LPXN: variants seen among roughly 807,000 people sequenced by gnomAD.
LPXN encodes leupaxin.
LPXN carries 28 observed loss-of-function variants against 45.6 expected under a neutral mutation model. That is an observed-to-expected ratio of 0.61 (90% CI 0.45 to 0.84). The LOEUF (loss-of-function observed/expected upper bound fraction) is 0.84, where lower values mean the gene tolerates loss of function less well. Ranked by LOEUF, LPXN falls within the 40% of genes least tolerant of loss-of-function variation. The pLI is 0.00. For missense variants in LPXN, 459 were observed against 475.0 expected (o/e 0.97, Z 0.31); for synonymous variants, 166 against 169.9 (o/e 0.98, Z 0.18).
chr11:58,530,042 A>C (rs1297372545), intron 7 of LPXN, among the ~76,000 whole-genome samples: 1 of 152,252 alleles, frequency 6.6e-6, no homozygotes, highest in East Asian at 1.9e-4. Flanking sequence ...CACAAACCGC[A>C]GACCTGGAGA....
At chr11:58,549,200 C>A (rs1853963914) in intron 7 of LPXN, among the ~76,000 whole-genome samples, 1 of 152,196 alleles carries the variant, frequency 6.6e-6, no homozygotes, top group South Asian at 2.1e-4. Context: ...TCAAGACCAG[C>A]CTGGCCAATA....
chr11:58,542,764 C>T (rs1490954269), intron 7 of LPXN, among the ~76,000 whole-genome samples: 1 of 151,848 alleles, frequency 6.6e-6, no homozygotes, highest in Non-Finnish European at 1.5e-5. Context: ...TGGAGAAATG[C>T]TTAAGTATAA....
chr11:58,575,810 G>A lies in LPXN; in HGVS notation c.-38C>T. On this transcript the variant is annotated 5_prime_UTR_variant, in exon 1 of 9. Coordinates refer to ENST00000395074, the MANE Select transcript of LPXN (RefSeq NM_004811.3). ...AAGATGCTCTTGTCTCACAGGCCGT[G>A]AGGAACAGCTTTGGCATGTGCTGAA... is the stretch of plus-strand genomic sequence containing the variant. 1 of 1,614,210 alleles carries A rather than the reference G, an allele frequency of 6.2e-7. No homozygotes were observed. Among genetic ancestry groups the A allele is most frequent in the Non-Finnish European group, 8.5e-7 (1 of 1,180,030 alleles).
Position 58,549,776 on chromosome 11 carries a change from C to A in LPXN, c.742+10G>T. 6.2e-7 allele frequency: 1 copy of A among 1,613,582 alleles called. No homozygotes were observed. The highest frequency in any genetic ancestry group is 1.1e-5 in the South Asian group (1 of 91,020). ...GGGTGTGGGATACAGCCTCTCAAGT[C>A]GGGTCATACCTTCTGCACCAAACAC... On this transcript the variant is annotated intron_variant, in intron 7 of 8. Coordinates refer to ENST00000395074, the MANE Select transcript of LPXN (RefSeq NM_004811.3).
chr11:58,534,154 C>T (rs1853478983), intron 7 of LPXN, among the ~76,000 whole-genome samples: 1 of 152,188 alleles, frequency 6.6e-6, no homozygotes, highest in South Asian at 2.1e-4. Flanking sequence ...GACTTGAACT[C>T]AGCTCTTGGC....
chr11:58,557,147 G>A (rs1050513505), intron 3 of LPXN, among the ~76,000 whole-genome samples: 2 of 152,092 alleles, frequency 1.3e-5, no homozygotes, highest in Non-Finnish European at 2.9e-5. Context: ...GTTTCTAAAG[G>A]AATTAAAAAT....
intron 7 of LPXN, among the ~76,000 whole-genome samples, chr11:58,545,287 A>G (rs1166223178): frequency 6.6e-6 from 1 of 152,148 alleles, no homozygotes; most frequent in African/African-American, 2.4e-5. Flanking sequence ...TGGTCATCCT[A>G]TGGATTGGGT....
intron 7 of LPXN, among the ~76,000 whole-genome samples, 162 bp from the exon 8 acceptor site, chr11:58,528,353 G>T (rs966519353): frequency 7.9e-5 from 12 of 152,226 alleles, no homozygotes; most frequent in Non-Finnish European, 1.6e-4. Context: ...ATGAGATAAT[G>T]CAGAGGAAGT....
chr11:58,540,166 T>C (rs908447265), intron 7 of LPXN, among the ~76,000 whole-genome samples: 8 of 151,672 alleles, frequency 5.3e-5, no homozygotes, highest in African/African-American at 1.9e-4. Context: ...GGGGCAGGAG[T>C]AAAGCAAAAA....
chr11:58,540,990 A>G (rs1853701318), intron 7 of LPXN, among the ~76,000 whole-genome samples: 1 of 152,212 alleles, frequency 6.6e-6, no homozygotes, highest in Non-Finnish European at 1.5e-5. Flanking sequence ...AGTCATATGT[A>G]AAAAGCTGAA....
rs142205666 is a variant in LPXN, at chr11:58,556,261, A to G, written c.219-1321T>C. On this transcript the variant is annotated intron_variant, in intron 3 of 8. Coordinates refer to ENST00000395074, the MANE Select transcript of LPXN (RefSeq NM_004811.3). ...ATTAGGAAAAAGATTAATATAATTCATTAACAAATAGGAGAAAAGCTTTAT... is the reference window on the plus strand; with the variant it reads ...ATTAGGAAAAAGATTAATATAATTCGTTAACAAATAGGAGAAAAGCTTTAT... 9.9e-3 allele frequency among the ~76,000 whole-genome samples: 1,511 copies of G among 152,234 alleles called. 25 individuals carry two copies. The highest frequency in any genetic ancestry group is 0.035 in the African/African-American group (1,456 of 41,572).
intron 7 of LPXN, among the ~76,000 whole-genome samples, chr11:58,548,862 C>T (rs866765464): frequency 6.6e-6 from 1 of 152,212 alleles, no homozygotes; most frequent in African/African-American, 2.4e-5. Context: ...AGTCAGTTTG[C>T]TACATGGCTT....
intron 7 of LPXN, among the ~76,000 whole-genome samples, chr11:58,529,792 C>T (rs921874736): frequency 3.3e-5 from 5 of 152,194 alleles, no homozygotes; most frequent in East Asian, 1.9e-4. Context: ...CCAGTGAGAT[C>T]GATGCAGAAG....
chr11:58,550,110 G>A lies in LPXN; in HGVS notation c.523C>T (p.His175Tyr). ...TCTTTGCAATGAGTACAGACAAAAT[G>A]CTCAGGATGCCATGATTGCCCTAGA... is the stretch of plus-strand genomic sequence containing the variant. The part of the protein sequence containing the change: ...HALGQSWHPE[H>Y]FVCTHCKEEI... Residue 175 changes from histidine to tyrosine, a missense_variant, in exon 6 of 9, where the codon CAT becomes TAT. Coordinates refer to ENST00000395074, the MANE Select transcript of LPXN (RefSeq NM_004811.3). The A allele has an allele frequency of 6.2e-7, 1 of 1,614,150 alleles. No individual in the cohort carries two copies.
intron 7 of LPXN, among the ~76,000 whole-genome samples, chr11:58,542,501 A>C (rs1035597819): frequency 6.6e-6 from 1 of 151,944 alleles, no homozygotes; most frequent in African/African-American, 2.4e-5. Context: ...ATTAATACAA[A>C]TAATTCAGAA....
At chr11:58,560,865 T>C (rs1246428232) in intron 3 of LPXN, among the ~76,000 whole-genome samples, 1 of 152,240 alleles carries the variant, frequency 6.6e-6, no homozygotes, top group East Asian at 1.9e-4. Context: ...AGATAATGTA[T>C]TATATAATTT....
chr11:58,570,485 T>C, intron 2 of LPXN, 71 bp downstream of exon 2: 3 of 1,153,086 alleles, frequency 2.6e-6, no homozygotes, highest in Non-Finnish European at 2.5e-6. Context: ...TTATTTTATG[T>C]GGGATTCTGT....
At chr11:58,558,678 C>T (rs1224432219) in intron 3 of LPXN, among the ~76,000 whole-genome samples, 1 of 151,656 alleles carries the variant, frequency 6.6e-6, no homozygotes, top group African/African-American at 2.4e-5. Flanking sequence ...AGCAATGGGG[C>T]ATTTCAAATC....
intron 2 of LPXN, among the ~76,000 whole-genome samples, chr11:58,568,462 G>C (rs539855994): frequency 6.6e-6 from 1 of 151,988 alleles, no homozygotes; most frequent in South Asian, 2.1e-4. Context: ...AATTAGCTGC[G>C]CATGGTGGTG....
Sources: allele counts gnomAD v4.1 joint callset (sites outside exome capture counted in the v4.1 genomes callset), GRCh38; gene constraint gnomAD v4.1.1; transcripts MANE v1.5; gene names NCBI Gene and HGNC (gene_info 2026-07-23, HGNC 2026-07-21).